The following CADM2 variants were observed in gnomAD, a reference collection of about 807,000 sequenced individuals.
The protein encoded by CADM2 is immunoglobulin superfamily member 4D.
CADM2 carries 12 observed loss-of-function variants against 49.8 expected under a neutral mutation model. The ratio of observed to expected loss-of-function variants is 0.24; its 90% confidence interval spans 0.15 to 0.39. The LOEUF (loss-of-function observed/expected upper bound fraction) is 0.39. Ranked by LOEUF, CADM2 falls within the 10% of genes least tolerant of loss-of-function variation. CADM2 has a pLI of 1.00. For synonymous variants in CADM2, 214 were observed against 175.4 expected, an observed-to-expected ratio of 1.22 and a Z score of -1.74; for missense variants, 378 against 492.3, an observed-to-expected ratio of 0.77 and a Z score of 2.20.
At chr3:85,982,807 A>C (rs1004505396) in intron 8 of CADM2, among the ~76,000 whole-genome samples, 9 of 151,694 alleles carry the variant, frequency 5.9e-5, no homozygotes, top group Non-Finnish European at 1.3e-4. Flanking sequence ...AAAAGGATTC[A>C]TAATAAGAAT....
intron 2 of CADM2, among the ~76,000 whole-genome samples, chr3:85,738,573 T>A (rs2068244274): frequency 6.6e-6 from 1 of 152,314 alleles, no homozygotes; most frequent in South Asian, 2.1e-4. Flanking sequence ...GACTTCATAT[T>A]TATTAGAGCA....
At chr3:84,966,434 T>C (rs1456150805) in intron 1 of CADM2, among the ~76,000 whole-genome samples, 1 of 152,108 alleles carries the variant, frequency 6.6e-6, no homozygotes, top group Non-Finnish European at 1.5e-5. Flanking sequence ...TTTTTACTCA[T>C]TGTGTTCTTT....
intron 1 of CADM2, among the ~76,000 whole-genome samples, chr3:85,649,151 G>C (rs2107575922): frequency 6.6e-6 from 1 of 152,170 alleles, no homozygotes; most frequent in South Asian, 2.1e-4. Flanking sequence ...TTTGCAAAAA[G>C]AGTTATCTGA....
chr3:85,246,690 C>T (rs1347425747), intron 1 of CADM2, among the ~76,000 whole-genome samples: 4 of 152,024 alleles, frequency 2.6e-5, no homozygotes, highest in Non-Finnish European at 4.4e-5. Context: ...ATTTCAAAAA[C>T]ACAGTTATAG....
chr3:85,953,279 T>C (rs1166805419), intron 7 of CADM2, among the ~76,000 whole-genome samples: 1 of 151,112 alleles, frequency 6.6e-6, no homozygotes, highest in Non-Finnish European at 1.5e-5. Flanking sequence ...CTTTTGCTTT[T>C]ATTACTCCCA....
intron 1 of CADM2, among the ~76,000 whole-genome samples, chr3:85,504,188 C>G (rs974820177): frequency 1.3e-5 from 2 of 151,968 alleles, no homozygotes; most frequent in African/African-American, 2.4e-5. Context: ...TTCGTGGTCT[C>G]GCTGGCTCAG....
chr3:85,411,477 TTAAA>T (rs2035652672), intron 1 of CADM2, among the ~76,000 whole-genome samples: 1 of 152,146 alleles, frequency 6.6e-6, no homozygotes, highest in South Asian at 2.1e-4. Context: ...ATACACCCAT[TTAAA>T]TAAGTGGGAT....
At chr3:85,780,048 G>A (rs1424470807) in intron 2 of CADM2, among the ~76,000 whole-genome samples, 1 of 152,136 alleles carries the variant, frequency 6.6e-6, no homozygotes, top group African/African-American at 2.4e-5. Context: ...TAACACTTAA[G>A]TAATGAATAA....
At chr3:85,041,253 C>A (rs969964978) in intron 1 of CADM2, among the ~76,000 whole-genome samples, 19 of 152,152 alleles carry the variant, frequency 1.2e-4, no homozygotes, top group African/African-American at 4.1e-4. Context: ...TATATTTCAT[C>A]TTTTTGCTTC....
At chr3:85,367,049 G>A (rs904503058) in intron 1 of CADM2, among the ~76,000 whole-genome samples, 1 of 151,670 alleles carries the variant, frequency 6.6e-6, no homozygotes, top group Non-Finnish European at 1.5e-5. Context: ...AAATATTTCT[G>A]TGTCAAAGAA....
intron 1 of CADM2, among the ~76,000 whole-genome samples, chr3:85,615,463 A>G (rs1237949353): frequency 1.3e-5 from 2 of 151,982 alleles, no homozygotes; most frequent in Non-Finnish European, 2.9e-5. Flanking sequence ...AAACCAAACA[A>G]AATAATCTCA....
intron 1 of CADM2, among the ~76,000 whole-genome samples, chr3:85,178,933 T>A (rs1283357713): frequency 5.3e-5 from 8 of 151,930 alleles, no homozygotes; most frequent in Admixed American, 5.2e-4. Flanking sequence ...TACAATTGAA[T>A]GATAAAAATA....
rs548851695 is a variant in CADM2, at chr3:85,128,815, A to G, written c.61+169147A>G. Among the ~76,000 whole-genome samples, 41 of 152,300 alleles carry G rather than the reference A, an allele frequency of 2.7e-4. No individual in the cohort carries two copies. The South Asian group carries it at 8.5e-3, about 32-fold the overall frequency. On this transcript the variant is annotated intron_variant, in intron 1 of 9. Coordinates refer to ENST00000383699, the MANE Select transcript of CADM2 (RefSeq NM_001167675.2). The stretch of plus-strand genomic sequence containing the variant: ...TGTAAGAAATAAAAGCAGAGTTTTT[A>G]GAGAGGCTTTTATAATGTATCTTTA...
At chr3:85,863,840 T>C (rs1180348520) in intron 3 of CADM2, among the ~76,000 whole-genome samples, 1 of 152,156 alleles carries the variant, frequency 6.6e-6, no homozygotes, top group Non-Finnish European at 1.5e-5. Context: ...AAAAGAGGAC[T>C]TGTGAGGCTT....
chr3:85,930,132 A>G (rs2108524756), intron 6 of CADM2, among the ~76,000 whole-genome samples: 1 of 152,232 alleles, frequency 6.6e-6, no homozygotes, highest in East Asian at 1.9e-4. Flanking sequence ...TGTCTTCACA[A>G]TTGAGTACTA....
At chr3:85,027,759 G>A (rs184300046) in intron 1 of CADM2, among the ~76,000 whole-genome samples, 13 of 152,208 alleles carry the variant, frequency 8.5e-5, no homozygotes, top group African/African-American at 3.1e-4. Flanking sequence ...TGGAACATTT[G>A]AGATAGGTAT....
intron 8 of CADM2, among the ~76,000 whole-genome samples, chr3:86,005,575 G>A (rs935458372): frequency 8.6e-5 from 13 of 151,012 alleles, no homozygotes; most frequent in East Asian, 5.8e-4. Flanking sequence ...AAAAAAGTGA[G>A]CATATAATAG....
chr3:85,481,556 T>C (rs1223715533), intron 1 of CADM2, among the ~76,000 whole-genome samples: 1 of 151,698 alleles, frequency 6.6e-6, no homozygotes, highest in Non-Finnish European at 1.5e-5. Flanking sequence ...TTTTGATTTA[T>C]TTCCAACATG....
chr3:85,214,780 C>T (rs1054340434), intron 1 of CADM2, among the ~76,000 whole-genome samples: 2 of 152,036 alleles, frequency 1.3e-5, no homozygotes, highest in African/African-American at 4.8e-5. Context: ...CACTGATGTT[C>T]ACTCAAGGCC....
Sources: allele counts gnomAD v4.1 joint callset (sites outside exome capture counted in the v4.1 genomes callset), GRCh38; gene constraint gnomAD v4.1.1; transcripts MANE v1.5; gene names NCBI Gene and HGNC (gene_info 2026-07-23, HGNC 2026-07-21).